CAMK2B: variants seen among roughly 807,000 people sequenced by gnomAD.
CAMK2B encodes calcium/calmodulin-dependent protein kinase type II subunit beta.
A neutral mutation model predicts 93.7 loss-of-function variants in CAMK2B; 27 were observed. The ratio of observed to expected loss-of-function variants is 0.29; its 90% CI spans 0.21 to 0.40. CAMK2B has a LOEUF of 0.40. CAMK2B is among the 10% of genes least tolerant of loss of function. CAMK2B has a pLI of 1.00. For synonymous variants in CAMK2B, 374 were observed against 358.8 expected (o/e 1.04, Z -0.48); for missense variants, 568 against 895.8 (o/e 0.63, Z 4.67).
intron 5 of CAMK2B, among the ~76,000 whole-genome samples, chr7:44,249,571 C>A (rs1266417467): frequency 6.6e-6 from 1 of 152,150 alleles, no homozygotes; most frequent in African/African-American, 2.4e-5. Flanking sequence ...TTCCCCCAGC[C>A]CATCCCTGTG....
intron 6 of CAMK2B, among the ~76,000 whole-genome samples, chr7:44,245,604 A>C (rs2096722107): frequency 6.6e-6 from 1 of 152,120 alleles, no homozygotes; most frequent in Admixed American, 6.5e-5. Flanking sequence ...CGAGGGGAGC[A>C]CCTGGGGGCC....
chr7:44,271,893 G>T lies in CAMK2B; in HGVS notation c.161-8829C>A, dbSNP rs1052013056. 6.6e-6 allele frequency among the ~76,000 whole-genome samples: 1 copy of T among 152,214 alleles called. No homozygotes were observed. The highest frequency in any genetic ancestry group is 2.4e-5 in the African/African-American group (1 of 41,454). On this transcript the variant is annotated intron_variant, in intron 2 of 23. Transcript: ENST00000395749. This position sits in a 1 kb window ranked among gnomAD's most constrained non-coding sequence, Gnocchi z 4.2. ...AGAATGACCCTATGAGTCCCTTCAG[G>T]GTAGTGACTTCTGTGTGCTGAGGAC...
At chr7:44,220,510 AG>A in intron 22 of CAMK2B, 105 bp downstream of exon 22, 1 of 1,032,146 alleles carries the variant, frequency 9.7e-7, no homozygotes, top group Non-Finnish European at 1.4e-6. Flanking sequence ...CTGGGCACAG[AG>A]GGGACAGGGC....
At chr7:44,262,863 G>T in intron 3 of CAMK2B, 142 bp downstream of exon 3, 1 of 689,038 alleles carries the variant, frequency 1.5e-6, no homozygotes. Flanking sequence ...GGCGTCCTCA[G>T]GGGCTTCTGG....
chr7:44,306,925 T>G (rs1217026167), intron 1 of CAMK2B, among the ~76,000 whole-genome samples: 9 of 26,814 alleles, frequency 3.4e-4, no homozygotes, highest in Admixed American at 1.1e-3. Flanking sequence ...GGGAAGAGGG[T>G]GTGAGCAGGA....
At chr7:44,314,672 A>AT (rs1794419789) in intron 1 of CAMK2B, among the ~76,000 whole-genome samples, 1 of 152,172 alleles carries the variant, frequency 6.6e-6, no homozygotes, top group Admixed American at 6.5e-5. Flanking sequence ...CCACCAAAGT[A>AT]TTTTTCATAG....
At chr7:44,290,100 C>T (rs1786358769) in intron 1 of CAMK2B, among the ~76,000 whole-genome samples, 1 of 152,242 alleles carries the variant, frequency 6.6e-6, no homozygotes, top group Non-Finnish European at 1.5e-5. Context: ...AGGCTGGAAA[C>T]GCCCCCTCAG....
intron 19 of CAMK2B, among the ~76,000 whole-genome samples, chr7:44,228,101 G>A (rs529431614): frequency 2.0e-5 from 3 of 151,970 alleles, no homozygotes; most frequent in Non-Finnish European, 2.9e-5. Flanking sequence ...TCCAGGGAGA[G>A]GCTGCTGGCC....
At chr7:44,318,959 C>T (rs777298817) in intron 1 of CAMK2B, among the ~76,000 whole-genome samples, 1 of 152,242 alleles carries the variant, frequency 6.6e-6, no homozygotes, top group Non-Finnish European at 1.5e-5. Flanking sequence ...CAGCTAGCAA[C>T]ACCACCTTTC....
intron 5 of CAMK2B, among the ~76,000 whole-genome samples, chr7:44,250,592 C>T (rs1418949660): frequency 4.7e-5 from 7 of 147,812 alleles, no homozygotes; most frequent in East Asian, 4.0e-4. Context: ...TGCAGTGGCG[C>T]GAACTCGGCT....
chr7:44,240,802 G>C, intron 11 of CAMK2B, 53 bp from the exon 12 acceptor site: 1 of 1,590,314 alleles, frequency 6.3e-7, no homozygotes, highest in Middle Eastern at 1.7e-4. Flanking sequence ...TTCCCTGCTG[G>C]CTTCTGGCCA....
rs1372805379 is a variant in CAMK2B at position 44,323,116 on chromosome 7, G to A, written c.65+2241C>T. On this transcript the variant is annotated intron_variant, in intron 1 of 23. Transcript: ENST00000395749. ...CTCTATGGCACGGCTGCACCCCCGAGGAATCGGTCCCTTCCCTACCCAAGA... is the reference window on the plus strand; with the variant it reads ...CTCTATGGCACGGCTGCACCCCCGAAGAATCGGTCCCTTCCCTACCCAAGA... Among the ~76,000 whole-genome samples the A allele has an allele frequency of 7.9e-5, 12 of 152,340 alleles. No individual in the cohort carries two copies. The East Asian group carries it at 2.3e-3, about 29-fold the overall frequency.
chr7:44,254,058 C>A (rs1319533577), intron 5 of CAMK2B, among the ~76,000 whole-genome samples: 2 of 152,160 alleles, frequency 1.3e-5, no homozygotes, highest in Admixed American at 1.3e-4. Context: ...CTGGCCTGGG[C>A]CACAGCAGGC....
chr7:44,289,533 G>A (rs939958854), intron 1 of CAMK2B, among the ~76,000 whole-genome samples: 1 of 152,160 alleles, frequency 6.6e-6, no homozygotes, highest in African/African-American at 2.4e-5. Flanking sequence ...CGGACCCTGC[G>A]TCCCCACAGC....
intron 3 of CAMK2B, among the ~76,000 whole-genome samples, chr7:44,261,356 G>GC (rs534460303): frequency 2.0e-5 from 3 of 152,242 alleles, no homozygotes; most frequent in Non-Finnish European, 2.9e-5. Context: ...TGGAGGAGAT[G>GC]CCCCCCGCAG....
At chr7:44,284,733 T>C (rs1416672806) in intron 1 of CAMK2B, among the ~76,000 whole-genome samples, 3 of 152,144 alleles carry the variant, frequency 2.0e-5, no homozygotes, top group Non-Finnish European at 4.4e-5. Context: ...GGCAGTTATA[T>C]TGGGATTTGT....
At chr7:44,306,820 T>A (rs1184938109) in intron 1 of CAMK2B, among the ~76,000 whole-genome samples, 1 of 80,480 alleles carries the variant, frequency 1.2e-5, no homozygotes, top group Non-Finnish European at 2.5e-5. Context: ...AGGGCAGGGG[T>A]AGGAGAGTGT....
chr7:44,260,871 G>C (rs942030211), intron 3 of CAMK2B, among the ~76,000 whole-genome samples: 1 of 152,170 alleles, frequency 6.6e-6, no homozygotes, highest in Non-Finnish European at 1.5e-5. Flanking sequence ...CAAAGAGCAA[G>C]GTATTCCCCA....
At chr7:44,279,093 T>C (rs1395048650) in intron 2 of CAMK2B, among the ~76,000 whole-genome samples, 1 of 151,414 alleles carries the variant, frequency 6.6e-6, no homozygotes, top group Non-Finnish European at 1.5e-5. Context: ...GCATATGAGA[T>C]GGTATCAAGG....
Sources: allele counts gnomAD v4.1 joint callset (sites outside exome capture counted in the v4.1 genomes callset), GRCh38; gene constraint gnomAD v4.1.1; non-coding constraint Gnocchi (gnomAD v3.1); transcripts MANE v1.5; gene names NCBI Gene and HGNC (gene_info 2026-07-23, HGNC 2026-07-21).